Variants in EPHA6 observed in about 807,000 individuals in gnomAD.
EPHA6 encodes the protein EPH receptor A6.
Under a neutral mutation model 112.0 loss-of-function variants are expected in EPHA6, and 50 were observed. The ratio of observed to expected loss-of-function variants is 0.45; its 90% CI spans 0.36 to 0.56. The LOEUF is 0.56. EPHA6 is among the 20% of genes least tolerant of loss of function. The pLI, the probability that EPHA6 is intolerant of heterozygous loss-of-function variation, is 0.00. For missense variants in EPHA6, 1,280 were observed against 1,417.4 expected (o/e 0.90, Z 1.56); for synonymous variants, 529 against 490.7 (o/e 1.08, Z -1.03).
chr3:97,659,006 TA>T (rs1427174846), intron 14 of EPHA6, among the ~76,000 whole-genome samples: 4 of 151,914 alleles, frequency 2.6e-5, no homozygotes, highest in Admixed American at 2.6e-4. Context: ...TAAGCCATGA[TA>T]AAAAAGGATT....
chr3:97,721,761 G>A (rs187392473), intron 15 of EPHA6, among the ~76,000 whole-genome samples: 1 of 152,172 alleles, frequency 6.6e-6, no homozygotes, highest in Non-Finnish European at 1.5e-5. Context: ...GGACTCCTTT[G>A]CTCTTCCCTG....
At position 97,544,834 on chromosome 3, in the gene EPHA6, C is replaced by T. The variant is rs1025639671; in HGVS notation, c.2386+12291C>T. 5.3e-5 allele frequency among the ~76,000 whole-genome samples: 8 copies of T among 152,208 alleles called. No individual in the cohort carries two copies. In the East Asian group the frequency reaches 5.8e-4, roughly 11 times the overall value. On this transcript the variant is annotated intron_variant, in intron 11 of 17. Coordinates refer to ENST00000389672, the MANE Select transcript of EPHA6 (RefSeq NM_001080448.3). ...TTTAGTCTTGGGAGGATGTATGTGT[C>T]GAGGAATTTATCCATTTCTTCTAGA...
At chr3:97,695,573 G>A (rs952053411) in intron 14 of EPHA6, among the ~76,000 whole-genome samples, 9 of 152,076 alleles carry the variant, frequency 5.9e-5, no homozygotes, top group Admixed American at 1.3e-4. Flanking sequence ...ACGGAGTCTC[G>A]CTCTGTCACC....
At position 97,310,343 on chromosome 3, in the gene EPHA6, G is replaced by A. The variant is rs555476038; in HGVS notation, c.1606+66056G>A. On this transcript the variant is annotated intron_variant, in intron 5 of 17. Transcript: ENST00000389672. ...GAAAAGCCATTTCAATTTGGAAAAG[G>A]CAGCCTCTACGGACCACTGAGAACC... Among the ~76,000 whole-genome samples the A allele has an allele frequency of 3.5e-3, 527 of 151,554 alleles. 5 individuals are homozygous for A. The highest frequency in any genetic ancestry group is 6.0e-3 in the Non-Finnish European group (405 of 67,646).
At chr3:97,700,819 G>T (rs2033340004) in intron 14 of EPHA6, among the ~76,000 whole-genome samples, 1 of 152,176 alleles carries the variant, frequency 6.6e-6, no homozygotes, top group Admixed American at 6.5e-5. Flanking sequence ...GATGTACAAA[G>T]ATGTAATTTT....
chr3:96,845,746 G>A (rs560772984), intron 1 of EPHA6, among the ~76,000 whole-genome samples: 1 of 151,936 alleles, frequency 6.6e-6, no homozygotes, highest in African/African-American at 2.4e-5. Context: ...TGATATGAAG[G>A]GTAAGATTCC....
At chr3:97,427,971 G>T (rs2089264642) in intron 6 of EPHA6, among the ~76,000 whole-genome samples, 1 of 152,136 alleles carries the variant, frequency 6.6e-6, no homozygotes, top group South Asian at 2.1e-4. Flanking sequence ...GATTACCTGG[G>T]TGATAAAATA....
At chr3:97,335,130 G>A (rs944003745) in intron 5 of EPHA6, among the ~76,000 whole-genome samples, 3 of 152,152 alleles carry the variant, frequency 2.0e-5, no homozygotes, top group Non-Finnish European at 4.4e-5. Context: ...CCATTGAGAC[G>A]TGGTCTCCAG....
chr3:97,666,252 A>G (rs2030093259), intron 14 of EPHA6, among the ~76,000 whole-genome samples: 1 of 152,148 alleles, frequency 6.6e-6, no homozygotes, highest in Non-Finnish European at 1.5e-5. Context: ...CAATAGGATT[A>G]CTGTTTGTAA....
At chr3:97,006,975 T>C (rs1559663261) in intron 3 of EPHA6, among the ~76,000 whole-genome samples, 1 of 152,210 alleles carries the variant, frequency 6.6e-6, no homozygotes, top group Non-Finnish European at 1.5e-5. Flanking sequence ...AGACTGTTTG[T>C]TATTATTTCA....
At chr3:97,156,812 C>T (rs917708701) in intron 3 of EPHA6, among the ~76,000 whole-genome samples, 2 of 152,046 alleles carry the variant, frequency 1.3e-5, no homozygotes, top group African/African-American at 4.8e-5. Flanking sequence ...AATAGGGGGC[C>T]ATTTCAATAT....
chr3:96,846,743 C>T (rs1055499987), intron 1 of EPHA6, among the ~76,000 whole-genome samples: 3 of 151,900 alleles, frequency 2.0e-5, no homozygotes, highest in Admixed American at 6.6e-5. Flanking sequence ...TACTATTTGC[C>T]GGAAACCCAT....
At chr3:97,141,008 A>G (rs1324625569) in intron 3 of EPHA6, among the ~76,000 whole-genome samples, 1 of 152,160 alleles carries the variant, frequency 6.6e-6, no homozygotes, top group East Asian at 1.9e-4. Flanking sequence ...GCAAAAAACA[A>G]TGATGACCAG....
At chr3:97,021,670 CTG>C (rs2044465632) in intron 3 of EPHA6, among the ~76,000 whole-genome samples, 1 of 152,234 alleles carries the variant, frequency 6.6e-6, no homozygotes, top group Non-Finnish European at 1.5e-5. Flanking sequence ...GGTTTTTCCT[CTG>C]TGCTTGTGCA....
At chr3:97,162,330 C>T (rs1177688415) in intron 3 of EPHA6, among the ~76,000 whole-genome samples, 2 of 152,132 alleles carry the variant, frequency 1.3e-5, no homozygotes, top group Non-Finnish European at 2.9e-5. Context: ...TAATAGATCT[C>T]ACTCAACAGA....
intron 2 of EPHA6, among the ~76,000 whole-genome samples, chr3:96,909,367 A>G (rs2039100035): frequency 6.6e-6 from 1 of 151,974 alleles, no homozygotes; most frequent in Non-Finnish European, 1.5e-5. Context: ...AAATTCTGGC[A>G]TAAATAAAGA....
chr3:97,219,110 A>C (rs777820812), intron 3 of EPHA6, among the ~76,000 whole-genome samples: 2 of 152,144 alleles, frequency 1.3e-5, no homozygotes, highest in African/African-American at 4.8e-5. Flanking sequence ...GTGGCTTTGC[A>C]GGGTACAGCT....
chr3:97,086,127 G>T (rs531289664), intron 3 of EPHA6, among the ~76,000 whole-genome samples: 27 of 151,726 alleles, frequency 1.8e-4, no homozygotes, highest in African/African-American at 5.6e-4. Flanking sequence ...TAGAGATGGG[G>T]TTTCACCATG....
At position 97,027,101 on chromosome 3, in the gene EPHA6, C is replaced by T. The variant is rs373246124; in HGVS notation, c.1114+39108C>T. Among the ~76,000 whole-genome samples, 22 of 152,178 alleles carry T rather than the reference C, an allele frequency of 1.4e-4. No homozygotes were observed. The East Asian group carries it at 1.7e-3, about 12-fold the overall frequency. ...GGTACATGTACACCATGGAATACAA[C>T]GTAGCCATAAAAAGGAATGCAATTA... On this transcript the variant is annotated intron_variant, in intron 3 of 17. Transcript: ENST00000389672.
Sources: allele counts gnomAD v4.1 joint callset (sites outside exome capture counted in the v4.1 genomes callset), GRCh38; gene constraint gnomAD v4.1.1; transcripts MANE v1.5; gene names NCBI Gene and HGNC (gene_info 2026-07-23, HGNC 2026-07-21).